The following ZNF70 variants were observed in gnomAD, a reference collection of about 807,000 sequenced individuals.
ZNF70 encodes zinc finger protein 70.
A neutral mutation model predicts 37.7 loss-of-function variants in ZNF70; 18 were observed. That is an observed-to-expected ratio of 0.48 (90% CI 0.33 to 0.71). The LOEUF is 0.71. Among genes scored for constraint, ZNF70 ranks in the 30% least tolerant of loss-of-function variants. The pLI, the probability that ZNF70 is intolerant of heterozygous loss-of-function variation, is 0.02. For missense variants in ZNF70, 506 were observed against 568.6 expected (o/e 0.89, Z 1.12); for synonymous variants, 219 against 220.1 (o/e 0.99, Z 0.05).
rs1266918070 is a variant in ZNF70, at chr22:23,744,583, G to A, written c.558C>T (p.His186=). The A allele has an allele frequency of 6.2e-7, 1 of 1,613,394 alleles. No homozygotes were observed. The highest frequency in any genetic ancestry group is 1.3e-5 in the African/African-American group (1 of 74,732). ...AFSQSSHLLR[H]QIIHTGEKPY... ...GCTTCTCCCCGGTGTGGATGATCTG[G>A]TGCCTGAGCAGGTGGGAGCTCTGGC... The change falls in exon 2 of 2, where the codon CAC becomes CAT. Residue 186 remains histidine, a synonymous_variant. Transcript: ENST00000341976.
Position 23,740,874 on chromosome 22 carries a change from C to G in ZNF70, c.*2926G>C, listed in dbSNP as rs1435911708. The stretch of plus-strand genomic sequence containing the variant: ...TGGTCTTACCATGTTTATCTGTTAA[C>G]CCTTGGGAGAGAGGGGGGATCTTCA... On this transcript the variant is annotated 3_prime_UTR_variant, in exon 2 of 2. Coordinates refer to ENST00000341976, the MANE Select transcript of ZNF70 (RefSeq NM_021916.4). 6.6e-6 allele frequency: 1 copy of G among 151,790 alleles called. No homozygotes were observed. Among genetic ancestry groups the G allele is most frequent in the African/African-American group, 2.4e-5 (1 of 41,280 alleles). 9.4% of individuals were successfully genotyped at this position (151,790 alleles called of 1,614,324 possible).
At chr22:23,748,400 C>T (rs13055210) in intron 1 of ZNF70, among the ~76,000 whole-genome samples, 15,473 of 151,992 alleles carry the variant, frequency 0.1, 1,033 homozygotes, top group East Asian at 0.3. Flanking sequence ...TCAACACATC[C>T]AGCTAATTTT....
Position 23,744,188 on chromosome 22 carries a change from C to T in ZNF70, c.953G>A (p.Ser318Asn), listed in dbSNP as rs1461099615. 1.9e-6 allele frequency: 3 copies of T among 1,614,050 alleles called. No homozygotes were observed. The highest frequency in any genetic ancestry group is 1.3e-5 in the African/African-American group (1 of 74,910). ...YKCDECGKAF[S>N]QSSNLIEHRK... ...GTGCTCAATGAGGTTGGAGCTCTGGCTGAAGGCCTTCCCGCACTCATCGCA... is the reference window on the plus strand; with the variant it reads ...GTGCTCAATGAGGTTGGAGCTCTGGTTGAAGGCCTTCCCGCACTCATCGCA... The change falls in exon 2 of 2, where the codon AGC (serine) becomes AAC (asparagine). Residue 318 changes from serine to asparagine, a missense_variant. Transcript: ENST00000341976.
At chr22:23,745,700 G>A (rs750020846) in intron 1 of ZNF70, among the ~76,000 whole-genome samples, 2 of 152,140 alleles carry the variant, frequency 1.3e-5, no homozygotes, top group Admixed American at 6.5e-5. Context: ...GAACCTGGGA[G>A]GCAGAGATTG....
chr22:23,747,530 T>G (rs1360918911), intron 1 of ZNF70, among the ~76,000 whole-genome samples: 2 of 151,966 alleles, frequency 1.3e-5, no homozygotes, highest in African/African-American at 4.8e-5. Flanking sequence ...CTAGGAGACA[T>G]AAATAAATAA....
rs1924954079 is a variant in ZNF70 at position 23,743,555 on chromosome 22, A to C, written c.*245T>G. The C allele has an allele frequency of 2.2e-6, 1 of 463,942 alleles. No homozygotes were observed. Among genetic ancestry groups the C allele is most frequent in the African/African-American group, 2.0e-5 (1 of 51,240 alleles). 28.7% of individuals were successfully genotyped at this position (463,942 alleles called of 1,614,324 possible). On this transcript the variant is annotated 3_prime_UTR_variant, in exon 2 of 2. Transcript: ENST00000341976. Reference sequence around the variant, plus strand: ...ATGCAAGAAGGAGAAACTGAAGGCCAGCTGTCTTTTCTGGCTGCCCTCCCT... The same window carrying C: ...ATGCAAGAAGGAGAAACTGAAGGCCCGCTGTCTTTTCTGGCTGCCCTCCCT...
Position 23,742,372 on chromosome 22 carries a change from T to C in ZNF70, c.*1428A>G, listed in dbSNP as rs1924903297. ...ACTGGTCCAGGTGGGACACAAGCAA[T>C]GGTACTGTTTAAACAAGCCCCACGT... On this transcript the variant is annotated 3_prime_UTR_variant, in exon 2 of 2. Transcript: ENST00000341976. 1 of 152,150 alleles carries C rather than the reference T, an allele frequency of 6.6e-6. No homozygotes were observed. Among genetic ancestry groups the C allele is most frequent in the Non-Finnish European group, 1.5e-5 (1 of 68,052 alleles). 9.4% of individuals were successfully genotyped at this position (152,150 alleles called of 1,614,324 possible).
chr22:23,741,477 CAG>C lies in ZNF70; in HGVS notation c.*2321_*2322del, dbSNP rs1419163250. ...AAATGTTTCACATACGTAGCAAAGACAGGGGCTGGACAGAGGCATGGCTGGAA... is the reference window on the plus strand; with the variant it reads ...AAATGTTTCACATACGTAGCAAAGACGGGCTGGACAGAGGCATGGCTGGAA... On this transcript the variant is annotated 3_prime_UTR_variant, in exon 2 of 2. Transcript: ENST00000341976. 2.6e-5 allele frequency: 4 copies of C among 152,350 alleles called. No individual in the cohort carries two copies. Among genetic ancestry groups the C allele is most frequent in the East Asian group, 1.9e-4 (1 of 5,178 alleles). 9.4% of individuals were successfully genotyped at this position (152,350 alleles called of 1,614,324 possible).
chr22:23,744,212 C>T lies in ZNF70; in HGVS notation c.929G>A (p.Cys310Tyr). The T allele has an allele frequency of 6.2e-7, 1 of 1,613,904 alleles. No individual in the cohort carries two copies. Among genetic ancestry groups the T allele is most frequent in the Non-Finnish European group, 8.5e-7 (1 of 1,179,964 alleles). The change falls in exon 2 of 2, where the codon TGC becomes TAC. Residue 310 changes from cysteine to tyrosine, a missense_variant. Coordinates refer to ENST00000341976, the MANE Select transcript of ZNF70 (RefSeq NM_021916.4). ...GCTGAAGGCCTTCCCGCACTCATCG[C>T]ATTTGTATGGTTTCTTCCCAGTGTG... is the stretch of plus-strand genomic sequence containing the variant. Reference protein sequence around the residue: ...RIHTGKKPYKCDECGKAFSQS... With the variant: ...RIHTGKKPYKYDECGKAFSQS...
rs1924987922 is a variant in ZNF70 at position 23,744,061 on chromosome 22, A to G, written c.1080T>C (p.Gly360=). Residue 360 remains glycine, a synonymous_variant, in exon 2 of 2, where the codon GGT becomes GGC. Coordinates refer to ENST00000341976, the MANE Select transcript of ZNF70 (RefSeq NM_021916.4). ...SLIEHQRIHT[G]EKPYECCQCG... The stretch of plus-strand genomic sequence containing the variant: ...ACTGACAGCACTCGTAGGGCTTCTC[A>G]CCGGTGTGGATGCGCTGGTGCTCAA... 1.9e-6 allele frequency: 3 copies of G among 1,612,400 alleles called. No individual in the cohort carries two copies. The highest frequency in any genetic ancestry group is 2.5e-6 in the Non-Finnish European group (3 of 1,179,424).
rs1924797051 is a variant in ZNF70 at position 23,738,967 on chromosome 22, T to TA, written c.*4832dup. ...CACATACCCAGCTTTGTTCGATCCC[T>TA]AGGGGTCTGCAACTCCTAAACCCCT... is the stretch of plus-strand genomic sequence containing the variant. On this transcript the variant is annotated 3_prime_UTR_variant, in exon 2 of 2. Coordinates refer to ENST00000341976, the MANE Select transcript of ZNF70 (RefSeq NM_021916.4). 6.6e-6 allele frequency: 1 copy of TA among 152,134 alleles called. No individual in the cohort carries two copies. Among genetic ancestry groups the TA allele is most frequent in the Non-Finnish European group, 1.5e-5 (1 of 68,028 alleles). 9.4% of individuals were successfully genotyped at this position (152,134 alleles called of 1,614,324 possible).
Position 23,744,135 on chromosome 22 carries a change from A to G in ZNF70, c.1006T>C (p.Tyr336His), listed in dbSNP as rs755082251. 1.2e-6 allele frequency: 2 copies of G among 1,613,936 alleles called. No individual in the cohort carries two copies. Among genetic ancestry groups the G allele is most frequent in the South Asian group, 1.1e-5 (1 of 91,052 alleles). The part of the protein sequence containing the change: ...HRKTHTGEKP[Y>H]KCQKCGKAFS... Reference sequence around the variant, plus strand: ...GCTTTCCCACACTTCTGGCATTTGTAGGGCTTCTCGCCAGTGTGGGTCTTG... The same window carrying G: ...GCTTTCCCACACTTCTGGCATTTGTGGGGCTTCTCGCCAGTGTGGGTCTTG... Residue 336 changes from tyrosine to histidine, a missense_variant, in exon 2 of 2, where the codon TAC (tyrosine) becomes CAC (histidine). By Grantham distance (83) the Tyr-to-His change is moderately conservative. Coordinates refer to ENST00000341976, the MANE Select transcript of ZNF70 (RefSeq NM_021916.4).
Position 23,744,081 on chromosome 22 carries a change from G to A in ZNF70, c.1060C>T (p.His354Tyr), listed in dbSNP as rs138392879. 1 of 1,614,068 alleles carries A rather than the reference G, an allele frequency of 6.2e-7. No individual in the cohort carries two copies. The highest frequency in any genetic ancestry group is 8.5e-7 in the Non-Finnish European group (1 of 1,180,042). Reference sequence around the variant, plus strand: ...TTCTCACCGGTGTGGATGCGCTGGTGCTCAATGAGGGAGGAGCTCTGGCTG... The same window carrying A: ...TTCTCACCGGTGTGGATGCGCTGGTACTCAATGAGGGAGGAGCTCTGGCTG... ...AFSQSSSLIE[H>Y]QRIHTGEKPY... Residue 354 changes from histidine (H) to tyrosine (Y), a missense_variant, in exon 2 of 2, where the codon CAC becomes TAC. Coordinates refer to ENST00000341976, the MANE Select transcript of ZNF70 (RefSeq NM_021916.4).
Position 23,743,273 on chromosome 22 carries a change from C to T in ZNF70, c.*527G>A, listed in dbSNP as rs1924942427. 1 of 157,288 alleles carries T rather than the reference C, an allele frequency of 6.4e-6. No homozygotes were observed. The highest frequency in any genetic ancestry group is 1.4e-5 in the Non-Finnish European group (1 of 71,212). The allele number at this position is 157,288 out of a possible 1,614,324, so 9.7% of individuals were successfully genotyped here. On this transcript the variant is annotated 3_prime_UTR_variant, in exon 2 of 2. Transcript: ENST00000341976. ...CTCTGCAGACCTGTTTTGGTTGTCCCCACCAATGCCCAACGCAGTGAGAAA... is the reference window on the plus strand; with the variant it reads ...CTCTGCAGACCTGTTTTGGTTGTCCTCACCAATGCCCAACGCAGTGAGAAA...
At chr22:23,746,358 C>G (rs1601320894) in intron 1 of ZNF70, among the ~76,000 whole-genome samples, 1 of 151,806 alleles carries the variant, frequency 6.6e-6, no homozygotes, top group Non-Finnish European at 1.5e-5. Context: ...AAGCGCCCAC[C>G]ACCATTCTTG....
chr22:23,747,055 A>G (rs1199551400), intron 1 of ZNF70, among the ~76,000 whole-genome samples: 1 of 152,200 alleles, frequency 6.6e-6, no homozygotes, highest in African/African-American at 2.4e-5. Context: ...CAAAAGCACA[A>G]TCCCAATGTA....
Position 23,743,738 on chromosome 22 carries a change from C to T in ZNF70, c.*62G>A, listed in dbSNP as rs542336382. The stretch of plus-strand genomic sequence containing the variant: ...GAGGTAGGTGGGGTCTTGGAGACCA[C>T]GCGACGTGGAATAAAGGCTCCATCT... On this transcript the variant is annotated 3_prime_UTR_variant, in exon 2 of 2. Transcript: ENST00000341976. The T allele has an allele frequency of 3.3e-5, 51 of 1,550,478 alleles. No homozygotes were observed. The highest frequency in any genetic ancestry group is 3.0e-4 in the South Asian group (24 of 79,110).
chr22:23,747,597 C>T (rs927340283), intron 1 of ZNF70, among the ~76,000 whole-genome samples: 8 of 152,012 alleles, frequency 5.3e-5, no homozygotes, highest in African/African-American at 1.5e-4. Context: ...TTTGGGAAGC[C>T]GAGGTGGGCA....
intron 1 of ZNF70, among the ~76,000 whole-genome samples, 181 bp downstream of exon 1, chr22:23,750,530 A>G (rs979461076): frequency 2.0e-5 from 3 of 151,318 alleles, no homozygotes; most frequent in African/African-American, 7.3e-5. Context: ...TCCTCCGCCC[A>G]CCCATTAAGT....
Sources: gnomAD v4.1 joint callset for allele counts (sites outside exome capture counted in the v4.1 genomes callset) on GRCh38, gnomAD v4.1.1 for gene constraint, MANE v1.5 for transcripts, NCBI Gene and HGNC (gene_info 2026-07-23, HGNC 2026-07-21) for gene names.